Variants in MYRIP observed in about 807,000 individuals in gnomAD.
MYRIP encodes the protein myosin VIIA and Rab interacting protein.
MYRIP carries 49 observed loss-of-function variants against 98.0 expected under a neutral mutation model. The ratio of observed to expected loss-of-function variants is 0.50; its 90% CI spans 0.40 to 0.63. MYRIP has a LOEUF of 0.63. Among genes scored for constraint, MYRIP ranks in the 30% least tolerant of loss-of-function variants. MYRIP has a pLI of 0.00. For missense variants in MYRIP, 1,004 were observed against 1,058.2 expected, an observed-to-expected ratio of 0.95 and a Z score of 0.71; for synonymous variants, 404 against 409.5, an observed-to-expected ratio of 0.99 and a Z score of 0.16.
chr3:40,050,199 A>T (rs1448996829), intron 3 of MYRIP, among the ~76,000 whole-genome samples: 3 of 152,162 alleles, frequency 2.0e-5, no homozygotes, highest in Non-Finnish European at 4.4e-5. Flanking sequence ...AGAAGAGGCC[A>T]TCTACAACTT....
At chr3:39,985,797 C>T (rs967804367) in intron 2 of MYRIP, among the ~76,000 whole-genome samples, 2 of 151,736 alleles carry the variant, frequency 1.3e-5, no homozygotes, top group East Asian at 3.9e-4. Context: ...CACCTTATAC[C>T]AAAATCAATT....
intron 3 of MYRIP, among the ~76,000 whole-genome samples, chr3:40,047,952 G>A (rs1947705237): frequency 6.6e-6 from 1 of 152,148 alleles, no homozygotes; most frequent in African/African-American, 2.4e-5. Context: ...TAAGGATTAC[G>A]TGACTTGAAT....
At chr3:40,170,240 G>A in intron 8 of MYRIP, 147 bp downstream of exon 8, 1 of 1,009,608 alleles carries the variant, frequency 9.9e-7, no homozygotes, top group South Asian at 1.8e-5. Flanking sequence ...AAGTGAGTGT[G>A]AGTCGGGGGC....
At chr3:40,193,255 C>T (rs1204114252) in intron 10 of MYRIP, among the ~76,000 whole-genome samples, 3 of 152,138 alleles carry the variant, frequency 2.0e-5, no homozygotes, top group African/African-American at 7.2e-5. Context: ...ATAGGGGATG[C>T]ATTGTCTGTG....
chr3:39,890,093 C>G (rs543161350), intron 1 of MYRIP, among the ~76,000 whole-genome samples: 1 of 151,674 alleles, frequency 6.6e-6, no homozygotes, highest in South Asian at 2.1e-4. Flanking sequence ...TTTGTTTCAT[C>G]TCTCCATTTC....
At chr3:39,935,106 T>A (rs998290611) in intron 2 of MYRIP, among the ~76,000 whole-genome samples, 9 of 152,168 alleles carry the variant, frequency 5.9e-5, no homozygotes, top group African/African-American at 2.2e-4. Context: ...GGAAACCACA[T>A]ACCTTGAGTT....
chr3:39,978,553 C>T (rs906276963), intron 2 of MYRIP, among the ~76,000 whole-genome samples: 3 of 152,164 alleles, frequency 2.0e-5, no homozygotes, highest in African/African-American at 7.2e-5. Context: ...ACTTTATGTT[C>T]CACCCAGGAT....
intron 1 of MYRIP, among the ~76,000 whole-genome samples, chr3:39,836,689 C>T (rs976448436): frequency 6.6e-5 from 10 of 152,152 alleles, no homozygotes; most frequent in African/African-American, 1.7e-4. Context: ...TCACAGACTC[C>T]GAGGAGAGTC....
intron 9 of MYRIP, among the ~76,000 whole-genome samples, chr3:40,185,742 G>A (rs1222227545): frequency 1.3e-5 from 2 of 152,088 alleles, no homozygotes; most frequent in Non-Finnish European, 2.9e-5. Context: ...CCATGTAGGG[G>A]ACCACATTTA....
At position 39,972,833 on chromosome 3, in the gene MYRIP, C is replaced by T. The variant is rs145427703; in HGVS notation, c.111-71217C>T. 1.6e-4 allele frequency among the ~76,000 whole-genome samples: 24 copies of T among 151,068 alleles called. 1 individual carries two copies. The highest frequency in any genetic ancestry group is 5.3e-4 in the African/African-American group (22 of 41,146). On this transcript the variant is annotated intron_variant, in intron 2 of 16. Coordinates refer to ENST00000302541, the MANE Select transcript of MYRIP (RefSeq NM_015460.4). Reference sequence around the variant, plus strand: ...TGGCAGTGAAGCTAGGGTACATTGACGGGCTTCTTCTTTGGACCAAAAAAT... The same window carrying T: ...TGGCAGTGAAGCTAGGGTACATTGATGGGCTTCTTCTTTGGACCAAAAAAT...
intron 13 of MYRIP, among the ~76,000 whole-genome samples, chr3:40,245,578 G>A (rs1007507694): frequency 6.8e-6 from 1 of 147,592 alleles, no homozygotes; most frequent in Non-Finnish European, 1.5e-5. Flanking sequence ...GAACCCGGGA[G>A]GCAGAGCTTG....
chr3:40,166,447 C>G (rs1950501340), intron 5 of MYRIP, among the ~76,000 whole-genome samples: 1 of 152,124 alleles, frequency 6.6e-6, no homozygotes, highest in Non-Finnish European at 1.5e-5. Flanking sequence ...GGGTATGGAG[C>G]CTTTTTGGAT....
intron 1 of MYRIP, among the ~76,000 whole-genome samples, chr3:39,883,167 C>T (rs1369926170): frequency 6.6e-6 from 1 of 152,080 alleles, no homozygotes; most frequent in East Asian, 1.9e-4. Flanking sequence ...GAATTAGAGG[C>T]CTGGCAAGGG....
rs7628377 is a variant in MYRIP at position 40,207,094 on chromosome 3, C to T, written c.1666-2760C>T. Among the ~76,000 whole-genome samples the T allele has an allele frequency of 2.2e-3, 340 of 152,258 alleles. 1 individual carries two copies. Among genetic ancestry groups the T allele is most frequent in the African/African-American group, 7.2e-3 (297 of 41,538 alleles). On this transcript the variant is annotated intron_variant, in intron 10 of 16. Coordinates refer to ENST00000302541, the MANE Select transcript of MYRIP (RefSeq NM_015460.4). ...GCATACTACAACAGTAGCAGAAAAT[C>T]TATTTGATAGTTAAAGTCCTATTCC...
At chr3:40,099,963 G>A (rs1559400477) in intron 3 of MYRIP, 2 of 981,710 alleles carry the variant, frequency 2.0e-6, no homozygotes, top group South Asian at 9.4e-5. Context: ...GGCATTGGTT[G>A]TCTGAGATTT....
At chr3:39,963,801 G>T (rs1945378758) in intron 2 of MYRIP, among the ~76,000 whole-genome samples, 1 of 151,986 alleles carries the variant, frequency 6.6e-6, no homozygotes, top group Non-Finnish European at 1.5e-5. Context: ...TCTCTCATTT[G>T]CTCATTGTTT....
Position 40,031,374 on chromosome 3 carries a change from G to A in MYRIP, c.111-12676G>A, listed in dbSNP as rs4676556. Among the ~76,000 whole-genome samples the A allele has an allele frequency of 3.9e-3, 594 of 152,258 alleles. 18 individuals are homozygous for A. Among genetic ancestry groups the A allele is most frequent in the Admixed American group, 0.034 (512 of 15,280 alleles). On this transcript the variant is annotated intron_variant, in intron 2 of 16. Transcript: ENST00000302541. ...ATTCAGACCACAGCAGGGTAAAAGTGAAAGAAGGAATTTAAAACCAGAGTG... is the reference window on the plus strand; with the variant it reads ...ATTCAGACCACAGCAGGGTAAAAGTAAAAGAAGGAATTTAAAACCAGAGTG...
intron 3 of MYRIP, among the ~76,000 whole-genome samples, chr3:40,125,566 A>G (rs1949510399): frequency 6.6e-6 from 1 of 152,226 alleles, no homozygotes; most frequent in African/African-American, 2.4e-5. Flanking sequence ...CCCAGGATCA[A>G]TACTTTGTAT....
intron 4 of MYRIP, among the ~76,000 whole-genome samples, chr3:40,156,425 G>A (rs1220767555): frequency 2.6e-5 from 4 of 152,164 alleles, no homozygotes; most frequent in African/African-American, 9.7e-5. Flanking sequence ...GTCAGGTAGT[G>A]TGATGCCTCC....
Sources: allele counts gnomAD v4.1 joint callset (sites outside exome capture counted in the v4.1 genomes callset), GRCh38; gene constraint gnomAD v4.1.1; transcripts MANE v1.5; gene names NCBI Gene and HGNC (gene_info 2026-07-23, HGNC 2026-07-21).